LINGO2: variants seen among roughly 807,000 people sequenced by gnomAD.
The protein encoded by LINGO2 is leucine-rich repeat and immunoglobulin-like domain-containing nogo receptor-interacting protein 2.
Under a neutral mutation model 30.6 loss-of-function variants are expected in LINGO2, and 14 were observed. The ratio of observed to expected loss-of-function variants is 0.46; its 90% CI spans 0.30 to 0.72. LINGO2 has a LOEUF of 0.72. LINGO2 is among the 30% of genes least tolerant of loss of function. LINGO2 has a pLI of 0.07. For missense variants in LINGO2, 729 were observed against 751.7 expected (o/e 0.97, Z 0.35); for synonymous variants, 317 against 288.5 (o/e 1.10, Z -1.00).
chr9:29,056,992 CG>C, the LINGO2 span, among the ~76,000 whole-genome samples: 1 of 151,938 alleles, frequency 6.6e-6, no homozygotes, highest in Non-Finnish European at 1.5e-5. Flanking sequence ...TGACTAGAGC[CG>C]TATAGTATAA....
chr9:28,518,957 T>C (rs1307721823), intron 1 of LINGO2, among the ~76,000 whole-genome samples: 1 of 152,234 alleles, frequency 6.6e-6, no homozygotes, highest in Non-Finnish European at 1.5e-5. Flanking sequence ...CTTGTACTGT[T>C]GCATCCTATA....
At chr9:28,337,365 A>C (rs965457183) in intron 3 of LINGO2, among the ~76,000 whole-genome samples, 2 of 152,182 alleles carry the variant, frequency 1.3e-5, no homozygotes, top group Non-Finnish European at 2.9e-5. Context: ...CAAATCATTC[A>C]ACAGGAAGCA....
intron 1 of LINGO2, among the ~76,000 whole-genome samples, chr9:28,496,238 C>T (rs1819621925): frequency 6.6e-6 from 1 of 152,082 alleles, no homozygotes; most frequent in African/African-American, 2.4e-5. Flanking sequence ...TCTCGTTGAT[C>T]TGTCTAATGT....
the LINGO2 span, among the ~76,000 whole-genome samples, chr9:29,011,135 A>G: frequency 6.6e-6 from 1 of 152,184 alleles, no homozygotes; most frequent in Non-Finnish European, 1.5e-5. Flanking sequence ...TTACAAACTA[A>G]TCACTGTTTT....
chr9:28,201,861 CAG>C (rs1313110027), intron 4 of LINGO2, among the ~76,000 whole-genome samples: 1 of 151,868 alleles, frequency 6.6e-6, no homozygotes, highest in African/African-American at 2.4e-5. Flanking sequence ...TAAGAGAACT[CAG>C]AATAAATGAG....
intron 1 of LINGO2, among the ~76,000 whole-genome samples, chr9:28,571,880 G>C (rs1459966754): frequency 1.3e-5 from 2 of 152,030 alleles, no homozygotes; most frequent in African/African-American, 2.4e-5. Flanking sequence ...TCGGCAAATT[G>C]ACCAGGGTCA....
chr9:27,950,525 G>A (rs1340890805), exon 6 of LINGO2: 10 of 1,576,100 alleles, frequency 6.3e-6, no homozygotes, highest in East Asian at 2.2e-5. Context: ...CTGGGATGGC[G>A]ATCAATCGCC....
At chr9:28,789,214 T>C in the LINGO2 span, among the ~76,000 whole-genome samples, 4 of 152,084 alleles carry the variant, frequency 2.6e-5, no homozygotes, top group Non-Finnish European at 5.9e-5. Context: ...GTCCTATGAG[T>C]CCTTTAATGA....
At chr9:28,035,383 A>C (rs1338110799) in intron 4 of LINGO2, among the ~76,000 whole-genome samples, 1 of 152,242 alleles carries the variant, frequency 6.6e-6, no homozygotes, top group Admixed American at 6.5e-5. Context: ...ACAATTCAAT[A>C]ATTTCAAGGG....
At chr9:28,439,890 C>T (rs1458330593) in intron 2 of LINGO2, among the ~76,000 whole-genome samples, 1 of 152,172 alleles carries the variant, frequency 6.6e-6, no homozygotes, top group Non-Finnish European at 1.5e-5. Flanking sequence ...CATCACCTTC[C>T]CTCCCATGGG....
the LINGO2 span, among the ~76,000 whole-genome samples, chr9:28,794,044 G>T: frequency 1.5e-4 from 23 of 152,230 alleles, no homozygotes; most frequent in African/African-American, 5.5e-4. Flanking sequence ...GGTGGCTCAC[G>T]CCTGTAATCC....
chr9:28,576,419 C>A (rs553659684), intron 1 of LINGO2, among the ~76,000 whole-genome samples: 2 of 150,942 alleles, frequency 1.3e-5, no homozygotes, highest in African/African-American at 4.9e-5. Flanking sequence ...TGTGTGTGTG[C>A]GTATTCTTCA....
the LINGO2 span, among the ~76,000 whole-genome samples, chr9:28,817,076 T>G: frequency 6.6e-6 from 1 of 152,170 alleles, no homozygotes; most frequent in African/African-American, 2.4e-5. Context: ...ATTTTACAAG[T>G]TTGAGAATTT....
intron 4 of LINGO2, among the ~76,000 whole-genome samples, chr9:28,025,791 C>T (rs973420494): frequency 5.9e-5 from 9 of 152,110 alleles, no homozygotes; most frequent in Admixed American, 2.0e-4. Flanking sequence ...GCCAGACAAA[C>T]GACACTTTTG....
chr9:28,063,375 C>T (rs1825215364), intron 4 of LINGO2, among the ~76,000 whole-genome samples: 2 of 151,814 alleles, frequency 1.3e-5, no homozygotes, highest in Admixed American at 6.6e-5. Context: ...ATATGCCAGG[C>T]ACTATGCTTA....
At chr9:28,966,107 C>T in the LINGO2 span, among the ~76,000 whole-genome samples, 3 of 152,082 alleles carry the variant, frequency 2.0e-5, no homozygotes, top group Non-Finnish European at 2.9e-5. Flanking sequence ...GGTGATTGGC[C>T]CCTTAGGCTT....
the LINGO2 span, among the ~76,000 whole-genome samples, chr9:29,111,744 G>T: frequency 6.6e-6 from 1 of 151,302 alleles, no homozygotes; most frequent in Admixed American, 6.6e-5. Context: ...GTGAAGAAGA[G>T]AAATTTTGGG....
the LINGO2 span, among the ~76,000 whole-genome samples, chr9:28,721,835 T>C: frequency 6.6e-6 from 1 of 151,764 alleles, no homozygotes; most frequent in African/African-American, 2.4e-5. Context: ...AAAAAAAAAT[T>C]AAAAACATGG....
chr9:28,654,200 C>G (rs1388512880), intron 1 of LINGO2, among the ~76,000 whole-genome samples: 1 of 152,082 alleles, frequency 6.6e-6, no homozygotes, highest in Non-Finnish European at 1.5e-5. Flanking sequence ...AACATATTTG[C>G]TTAGGACAAG....
Sources: allele counts gnomAD v4.1 joint callset (sites outside exome capture counted in the v4.1 genomes callset), GRCh38; gene constraint gnomAD v4.1.1; transcripts MANE v1.5; gene names NCBI Gene and HGNC (gene_info 2026-07-23, HGNC 2026-07-21).